The following VWC2L variants were observed in gnomAD, a reference collection of about 807,000 sequenced individuals.
VWC2L encodes von Willebrand factor C domain containing 2 like.
Under a neutral mutation model 21.6 loss-of-function variants are expected in VWC2L, and 10 were observed. The observed-to-expected ratio is 0.46, with a 90% CI of 0.29 to 0.78. The LOEUF (loss-of-function observed/expected upper bound fraction) is 0.78. Ranked by LOEUF, VWC2L falls within the 30% of genes least tolerant of loss-of-function variation. The probability of loss-of-function intolerance (pLI) is 0.10; values close to 1 mark genes in which losing one functional copy is unlikely to be tolerated. For synonymous variants in VWC2L, 96 were observed against 94.3 expected, an observed-to-expected ratio of 1.02 and a Z score of -0.10; for missense variants, 209 against 277.1, an observed-to-expected ratio of 0.75 and a Z score of 1.74.
At chr2:214,434,532 C>A (rs922526541) in intron 2 of VWC2L, among the ~76,000 whole-genome samples, 2 of 152,160 alleles carry the variant, frequency 1.3e-5, no homozygotes, top group Non-Finnish European at 2.9e-5. Context: ...TCCATTATAG[C>A]AGTTAGGCTA....
At chr2:214,416,267 AAAGAT>A (rs1296544088) in intron 2 of VWC2L, among the ~76,000 whole-genome samples, 2 of 152,134 alleles carry the variant, frequency 1.3e-5, no homozygotes, top group African/African-American at 4.8e-5. Flanking sequence ...ATTTTACTAC[AAAGAT>A]AATAACTATG....
At chr2:214,523,277 C>T (rs1382026247) in intron 3 of VWC2L, among the ~76,000 whole-genome samples, 1 of 152,140 alleles carries the variant, frequency 6.6e-6, no homozygotes, top group Non-Finnish European at 1.5e-5. Flanking sequence ...ACTGAGTTAC[C>T]TATGTCTTGT....
chr2:214,416,211 C>A (rs1443088385), intron 2 of VWC2L, among the ~76,000 whole-genome samples: 1 of 152,016 alleles, frequency 6.6e-6, no homozygotes, highest in Non-Finnish European at 1.5e-5. Flanking sequence ...TATTGTCTAA[C>A]TTAACTCACT....
At chr2:214,563,583 C>CAAAAAAAAAAAAAAAAAAA (rs1328331072) in intron 3 of VWC2L, among the ~76,000 whole-genome samples, 3 of 96,004 alleles carry the variant, frequency 3.1e-5, no homozygotes, top group South Asian at 3.4e-4. Context: ...AAAAAAAAAT[C>CAAAAAAAAAAAAAAAAAAA]AAGTGGTTCT....
At chr2:214,461,736 G>A (rs1026125368) in intron 3 of VWC2L, among the ~76,000 whole-genome samples, 2 of 152,142 alleles carry the variant, frequency 1.3e-5, no homozygotes, top group Admixed American at 1.3e-4. Context: ...TGATAGGCAG[G>A]ATGGGGCAAT....
intron 3 of VWC2L, among the ~76,000 whole-genome samples, chr2:214,550,676 C>T (rs1689779980): frequency 6.6e-6 from 1 of 152,096 alleles, no homozygotes; most frequent in African/African-American, 2.4e-5. Context: ...AAGATTTTTT[C>T]CTGTTTATAT....
intron 3 of VWC2L, among the ~76,000 whole-genome samples, chr2:214,437,168 G>C (rs1339422455): frequency 6.6e-6 from 1 of 152,064 alleles, no homozygotes; most frequent in East Asian, 1.9e-4. Flanking sequence ...TTTGAATGTA[G>C]ATAAGACCTT....
chr2:214,476,680 T>C (rs1688530933), intron 3 of VWC2L, among the ~76,000 whole-genome samples: 1 of 152,214 alleles, frequency 6.6e-6, no homozygotes, highest in South Asian at 2.1e-4. Flanking sequence ...ATTACATCCA[T>C]AATTAGATTT....
At chr2:214,454,604 T>TC (rs1342577367) in intron 3 of VWC2L, among the ~76,000 whole-genome samples, 1 of 130,972 alleles carries the variant, frequency 7.6e-6, no homozygotes, top group Non-Finnish European at 1.6e-5. Context: ...TTTTCTTTTT[T>TC]TTTTTTTTTT....
intron 3 of VWC2L, among the ~76,000 whole-genome samples, chr2:214,464,554 GCCA>G (rs1183931076): frequency 6.6e-6 from 1 of 152,132 alleles, no homozygotes; most frequent in East Asian, 1.9e-4. Context: ...CACTCCTGTG[GCCA>G]CCACCACATA....
chr2:214,443,660 G>A (rs912396572), intron 3 of VWC2L, among the ~76,000 whole-genome samples: 1 of 152,134 alleles, frequency 6.6e-6, no homozygotes, highest in South Asian at 2.1e-4. Flanking sequence ...AAACAAGACT[G>A]AAGTGGACAA....
At chr2:214,545,483 G>A (rs1201939713) in intron 3 of VWC2L, among the ~76,000 whole-genome samples, 1 of 152,156 alleles carries the variant, frequency 6.6e-6, no homozygotes, top group Non-Finnish European at 1.5e-5. Flanking sequence ...AAGCAAGACA[G>A]TCATTTTGTT....
intron 3 of VWC2L, among the ~76,000 whole-genome samples, chr2:214,534,509 A>G (rs1474797322): frequency 6.6e-6 from 1 of 152,096 alleles, no homozygotes; most frequent in Non-Finnish European, 1.5e-5. Flanking sequence ...TTGGTGGGAG[A>G]TACAGAAAAT....
intron 3 of VWC2L, among the ~76,000 whole-genome samples, chr2:214,551,471 AT>A: frequency 1.3e-5 from 2 of 152,342 alleles, no homozygotes; most frequent in South Asian, 4.1e-4. Flanking sequence ...CTTTAGACAA[AT>A]TATTTGCAAA....
intron 3 of VWC2L, among the ~76,000 whole-genome samples, chr2:214,513,770 T>C (rs1255286411): frequency 6.6e-6 from 1 of 152,094 alleles, no homozygotes; most frequent in Non-Finnish European, 1.5e-5. Context: ...GAACCCTCTA[T>C]ACAAGGCAAG....
intron 2 of VWC2L, among the ~76,000 whole-genome samples, chr2:214,433,249 GA>G (rs914168615): frequency 2.7e-4 from 40 of 149,188 alleles, no homozygotes; most frequent in Admixed American, 8.8e-4. Context: ...TAAAATTTAT[GA>G]AAAAGTAGTG....
chr2:214,539,158 A>G (rs181686431), intron 3 of VWC2L, among the ~76,000 whole-genome samples: 1 of 152,108 alleles, frequency 6.6e-6, no homozygotes, highest in African/African-American at 2.4e-5. Flanking sequence ...TTTGGAGACT[A>G]CTGCACTTGA....
At chr2:214,521,572 A>G (rs942340973) in intron 3 of VWC2L, among the ~76,000 whole-genome samples, 1 of 152,258 alleles carries the variant, frequency 6.6e-6, no homozygotes, top group African/African-American at 2.4e-5. Flanking sequence ...AGGATCCCCT[A>G]CTACATTTGT....
intron 3 of VWC2L, among the ~76,000 whole-genome samples, chr2:214,522,296 A>C (rs901717339): frequency 2.8e-5 from 4 of 145,132 alleles, no homozygotes; most frequent in African/African-American, 7.7e-5. Context: ...AATGGCGTGA[A>C]CCCGGGAGGC....
Sources: allele counts gnomAD v4.1 joint callset (sites outside exome capture counted in the v4.1 genomes callset), GRCh38; gene constraint gnomAD v4.1.1; transcripts MANE v1.5; gene names NCBI Gene and HGNC (gene_info 2026-07-23, HGNC 2026-07-21).